The following TRDN variants were observed in gnomAD, a reference collection of about 807,000 sequenced individuals.
The protein encoded by TRDN is triadin in skeletal muscle.
Under a neutral mutation model 149.7 loss-of-function variants are expected in TRDN, and 161 were observed. The ratio of observed to expected loss-of-function variants is 1.08; its 90% CI spans 0.95 to 1.23. The LOEUF is 1.23. Ranked by LOEUF, TRDN falls within the 50% of genes most tolerant of loss-of-function variation. The probability of loss-of-function intolerance (pLI) is 0.00; values close to 1 mark genes in which losing one functional copy is unlikely to be tolerated. For missense variants in TRDN, 896 were observed against 823.5 expected, an observed-to-expected ratio of 1.09 and a Z score of -1.08; for synonymous variants, 294 against 250.5, an observed-to-expected ratio of 1.17 and a Z score of -1.64.
At chr6:123,490,843 G>T (rs767829274) in intron 9 of TRDN, among the ~76,000 whole-genome samples, 17 of 152,182 alleles carry the variant, frequency 1.1e-4, no homozygotes, top group Non-Finnish European at 2.2e-4. Context: ...AGTGGCTCAC[G>T]CCTGTAATCC....
At chr6:123,513,273 G>A (rs754360074) in intron 6 of TRDN, among the ~76,000 whole-genome samples, 8 of 152,062 alleles carry the variant, frequency 5.3e-5, no homozygotes, top group Non-Finnish European at 1.0e-4. Context: ...ATTCAAACAA[G>A]GTCACAGGAC....
chr6:123,583,389 G>A (rs1337310807), intron 1 of TRDN, among the ~76,000 whole-genome samples: 1 of 152,066 alleles, frequency 6.6e-6, no homozygotes, highest in Non-Finnish European at 1.5e-5. Flanking sequence ...GCTCAAATGG[G>A]CTGTACCTTG....
intron 38 of TRDN, among the ~76,000 whole-genome samples, chr6:123,231,329 G>T (rs1296677287): frequency 6.6e-6 from 1 of 152,000 alleles, no homozygotes; most frequent in African/African-American, 2.4e-5. Flanking sequence ...AGATTGAAAT[G>T]GTCAATTCCT....
chr6:123,423,383 C>G (rs1014409852), intron 12 of TRDN, among the ~76,000 whole-genome samples: 3 of 152,082 alleles, frequency 2.0e-5, no homozygotes, highest in African/African-American at 7.2e-5. Context: ...TATTTATTCA[C>G]TCTCTAAACC....
intron 9 of TRDN, among the ~76,000 whole-genome samples, chr6:123,478,715 A>C (rs1777612819): frequency 6.6e-6 from 1 of 152,200 alleles, no homozygotes; most frequent in South Asian, 2.1e-4. Context: ...CCATGGAATC[A>C]TCCAGTGAAA....
chr6:123,330,909 A>C (rs541642421), intron 23 of TRDN, among the ~76,000 whole-genome samples: 1 of 152,114 alleles, frequency 6.6e-6, no homozygotes, highest in Non-Finnish European at 1.5e-5. Context: ...CTCACCAGAA[A>C]TCCTTCTCTT....
chr6:123,593,004 T>C (rs1562413579), intron 1 of TRDN, among the ~76,000 whole-genome samples: 1 of 152,216 alleles, frequency 6.6e-6, no homozygotes, highest in Non-Finnish European at 1.5e-5. Flanking sequence ...TGGTTCAGTG[T>C]TAGAGGAAGT....
intron 12 of TRDN, among the ~76,000 whole-genome samples, chr6:123,429,911 T>C (rs1302082047): frequency 6.6e-6 from 1 of 152,176 alleles, no homozygotes; most frequent in Non-Finnish European, 1.5e-5. Flanking sequence ...TGTGGTCTAT[T>C]TACTGATATT....
chr6:123,571,489 G>A (rs1301828407), intron 1 of TRDN, among the ~76,000 whole-genome samples: 2 of 141,466 alleles, frequency 1.4e-5, no homozygotes, highest in African/African-American at 2.9e-5. Flanking sequence ...GGTCATTCAT[G>A]TTTTGTTTGT....
At chr6:123,574,624 T>C (rs946185349) in intron 1 of TRDN, among the ~76,000 whole-genome samples, 1 of 151,810 alleles carries the variant, frequency 6.6e-6, no homozygotes, top group African/African-American at 2.4e-5. Context: ...TTTTAACCAC[T>C]GGAAGCCTTC....
At position 123,269,842 on chromosome 6, in the gene TRDN, C is replaced by T; in HGVS notation, c.1738+7G>A. On this transcript the variant is annotated splice_region_variant and intron_variant, in intron 31 of 40. Transcript: ENST00000334268. Reference sequence around the variant, plus strand: ...ATTTCTCAGGTGTTATTCTATTCATCTCTTACTTGTTGGTTTGGGCTTGGC... The same window carrying T: ...ATTTCTCAGGTGTTATTCTATTCATTTCTTACTTGTTGGTTTGGGCTTGGC... The T allele has an allele frequency of 6.2e-7, 1 of 1,610,376 alleles. No individual in the cohort carries two copies. The highest frequency in any genetic ancestry group is 1.1e-5 in the South Asian group (1 of 90,608).
intron 2 of TRDN, among the ~76,000 whole-genome samples, chr6:123,556,637 C>CTCT (rs367824454): frequency 1.4e-4 from 21 of 150,466 alleles, no homozygotes; most frequent in Middle Eastern, 3.4e-3. Flanking sequence ...ATTCCTCTTC[C>CTCT]TCTTCTTCTT....
At chr6:123,396,003 C>A (rs1022498549) in intron 12 of TRDN, among the ~76,000 whole-genome samples, 98 of 152,276 alleles carry the variant, frequency 6.4e-4, no homozygotes, top group Middle Eastern at 3.4e-3. Flanking sequence ...ACAAAAATAT[C>A]ATCCTTGAAA....
At chr6:123,610,550 A>G (rs1784753984) in intron 1 of TRDN, among the ~76,000 whole-genome samples, 1 of 152,216 alleles carries the variant, frequency 6.6e-6, no homozygotes, top group South Asian at 2.1e-4. Context: ...GGCCAAGAGT[A>G]AGTGACAGAG....
At chr6:123,258,383 T>A (rs2114583888) in intron 35 of TRDN, among the ~76,000 whole-genome samples, 1 of 152,310 alleles carries the variant, frequency 6.6e-6, no homozygotes, top group East Asian at 1.9e-4. Context: ...TCTTTATCTA[T>A]TGAAATAATC....
chr6:123,500,626 G>A (rs77127916), intron 8 of TRDN, among the ~76,000 whole-genome samples: 4 of 152,098 alleles, frequency 2.6e-5, no homozygotes, highest in African/African-American at 9.6e-5. Flanking sequence ...CATCCTTCTT[G>A]GAATAACACA....
chr6:123,331,342 G>A, intron 23 of TRDN, among the ~76,000 whole-genome samples: 1 of 152,046 alleles, frequency 6.6e-6, no homozygotes, highest in Middle Eastern at 3.2e-3. Flanking sequence ...GGAGATTGAA[G>A]TTCTAATGCT....
chr6:123,312,343 TTCC>T (rs1378595101), intron 24 of TRDN, among the ~76,000 whole-genome samples: 1 of 151,872 alleles, frequency 6.6e-6, no homozygotes, highest in Admixed American at 6.6e-5. Flanking sequence ...ACCCGTCCTT[TTCC>T]TCCTCCTCCT....
intron 24 of TRDN, among the ~76,000 whole-genome samples, chr6:123,311,983 G>T (rs368782458): frequency 2.6e-5 from 4 of 151,970 alleles, no homozygotes; most frequent in African/African-American, 9.7e-5. Flanking sequence ...GGAATTAATA[G>T]AAGATAATTT....
Sources: allele counts gnomAD v4.1 joint callset (sites outside exome capture counted in the v4.1 genomes callset), GRCh38; gene constraint gnomAD v4.1.1; transcripts MANE v1.5; gene names NCBI Gene and HGNC (gene_info 2026-07-23, HGNC 2026-07-21).